CNTNAP2: variants seen among roughly 807,000 people sequenced by gnomAD.
CNTNAP2 encodes contactin-associated protein-like 2.
CNTNAP2 carries 98 observed loss-of-function variants against 155.2 expected under a neutral mutation model. The ratio of observed to expected loss-of-function variants is 0.63; its 90% CI spans 0.54 to 0.75. The LOEUF (loss-of-function observed/expected upper bound fraction) is 0.75, where lower values mean the gene tolerates loss of function less well. Among genes scored for constraint, CNTNAP2 ranks in the 30% least tolerant of loss-of-function variants. CNTNAP2 has a pLI of 0.00. For missense variants in CNTNAP2, 1,727 were observed against 1,688.1 expected (o/e 1.02, Z -0.40); for synonymous variants, 651 against 631.2 (o/e 1.03, Z -0.47).
At chr7:147,698,097 G>A (rs921917767) in intron 13 of CNTNAP2, among the ~76,000 whole-genome samples, 5 of 152,006 alleles carry the variant, frequency 3.3e-5, no homozygotes, top group South Asian at 2.1e-4. Flanking sequence ...GTAATTTTCC[G>A]TGTCCACCTG....
At chr7:147,658,864 G>T (rs762723872) in intron 13 of CNTNAP2, among the ~76,000 whole-genome samples, 4 of 152,148 alleles carry the variant, frequency 2.6e-5, no homozygotes, top group Non-Finnish European at 4.4e-5. Context: ...GTGGGGTCTT[G>T]CTGGCCTGGG....
At chr7:148,337,193 T>C (rs1409569498) in intron 21 of CNTNAP2, among the ~76,000 whole-genome samples, 1 of 151,992 alleles carries the variant, frequency 6.6e-6, no homozygotes, top group Admixed American at 6.5e-5. Context: ...CCACTAAAGC[T>C]GAGGAGGCCC....
intron 1 of CNTNAP2, among the ~76,000 whole-genome samples, chr7:146,399,421 T>C (rs374226524): frequency 2.0e-5 from 3 of 152,332 alleles, no homozygotes; most frequent in African/African-American, 7.2e-5. Context: ...GAGATCATGC[T>C]GTATTTGTCT....
chr7:146,147,228 G>A (rs1037579787), intron 1 of CNTNAP2, among the ~76,000 whole-genome samples: 1 of 152,060 alleles, frequency 6.6e-6, no homozygotes, highest in South Asian at 2.1e-4. Context: ...TGTCTCTAGG[G>A]ATTGAATTAT....
intron 9 of CNTNAP2, among the ~76,000 whole-genome samples, chr7:147,304,455 G>C (rs1584859063): frequency 6.6e-6 from 1 of 152,160 alleles, no homozygotes; most frequent in Non-Finnish European, 1.5e-5. Flanking sequence ...TGAGACAGCA[G>C]TATGATTTTT....
chr7:147,070,559 T>C (rs1481522436), intron 4 of CNTNAP2, among the ~76,000 whole-genome samples: 1 of 152,162 alleles, frequency 6.6e-6, no homozygotes, highest in African/African-American at 2.4e-5. Context: ...GATCCAGAGA[T>C]TACCCAATGC....
intron 1 of CNTNAP2, among the ~76,000 whole-genome samples, chr7:146,312,970 T>G (rs1018902043): frequency 6.6e-6 from 1 of 152,198 alleles, no homozygotes; most frequent in Admixed American, 6.5e-5. Context: ...TCCTGGATAC[T>G]TATATTGCTT....
intron 3 of CNTNAP2, among the ~76,000 whole-genome samples, chr7:146,847,801 G>A (rs868760807): frequency 1.3e-5 from 2 of 151,942 alleles, no homozygotes; most frequent in Non-Finnish European, 2.9e-5. Context: ...TTATCACATC[G>A]AGTCCTATGC....
At chr7:146,536,124 T>G (rs976501534) in intron 1 of CNTNAP2, among the ~76,000 whole-genome samples, 1 of 152,104 alleles carries the variant, frequency 6.6e-6, no homozygotes, top group Non-Finnish European at 1.5e-5. Context: ...TAATCCAATT[T>G]AAAGTTTTGC....
chr7:147,333,585 G>A (rs900021534), intron 9 of CNTNAP2, among the ~76,000 whole-genome samples: 16 of 152,010 alleles, frequency 1.1e-4, no homozygotes, highest in Non-Finnish European at 1.5e-4. Flanking sequence ...TATCATACTT[G>A]TTCACTTTGG....
intron 12 of CNTNAP2, among the ~76,000 whole-genome samples, chr7:147,613,239 G>C (rs1233810365): frequency 6.6e-6 from 1 of 152,118 alleles, no homozygotes; most frequent in Non-Finnish European, 1.5e-5. Context: ...CCTGGTTACT[G>C]TGAAGATGTG....
rs1035342270 is a variant in CNTNAP2, at chr7:146,468,342, T to C, written c.98-305929T>C. Among the ~76,000 whole-genome samples the C allele has an allele frequency of 3.3e-5, 5 of 152,100 alleles. No individual in the cohort carries two copies. The South Asian group carries it at 1.0e-3, about 32-fold the overall frequency. On this transcript the variant is annotated intron_variant, in intron 1 of 23. Transcript: ENST00000361727. ...CCTGTTAAGTACTATGCTTAGTACCTGGGTGACTGGATAATTCATACCCCA... is the reference window on the plus strand; with the variant it reads ...CCTGTTAAGTACTATGCTTAGTACCCGGGTGACTGGATAATTCATACCCCA...
chr7:147,634,280 G>C (rs1795140991), intron 12 of CNTNAP2, among the ~76,000 whole-genome samples: 2 of 152,148 alleles, frequency 1.3e-5, no homozygotes, highest in Non-Finnish European at 2.9e-5. Context: ...GTCATAAAAA[G>C]AATGAAATAA....
chr7:146,875,287 G>T (rs555368405), intron 3 of CNTNAP2, among the ~76,000 whole-genome samples: 1 of 152,200 alleles, frequency 6.6e-6, no homozygotes, highest in African/African-American at 2.4e-5. Context: ...CCTATATGGA[G>T]GGCCTCTGGA....
At chr7:146,305,213 G>A (rs962104329) in intron 1 of CNTNAP2, among the ~76,000 whole-genome samples, 12 of 152,008 alleles carry the variant, frequency 7.9e-5, no homozygotes, top group Non-Finnish European at 1.6e-4. Flanking sequence ...CGATGGGTTC[G>A]TACATCCTTC....
chr7:146,547,357 T>A (rs1584975327), intron 1 of CNTNAP2, among the ~76,000 whole-genome samples: 1 of 152,102 alleles, frequency 6.6e-6, no homozygotes, highest in East Asian at 1.9e-4. Flanking sequence ...TTTATTGTGG[T>A]AAGAACCCTT....
intron 9 of CNTNAP2, among the ~76,000 whole-genome samples, chr7:147,387,262 C>T (rs979370036): frequency 2.6e-5 from 4 of 152,174 alleles, no homozygotes; most frequent in Admixed American, 2.6e-4. Context: ...TCTGATTCTC[C>T]AGTCTCTAAC....
At chr7:146,459,110 C>G (rs997298387) in intron 1 of CNTNAP2, among the ~76,000 whole-genome samples, 1 of 152,102 alleles carries the variant, frequency 6.6e-6, no homozygotes, top group Non-Finnish European at 1.5e-5. Context: ...CCTCTTAATT[C>G]CTACCATGTA....
chr7:146,411,079 T>G (rs1029267526), intron 1 of CNTNAP2, among the ~76,000 whole-genome samples: 5 of 152,124 alleles, frequency 3.3e-5, no homozygotes, highest in African/African-American at 1.2e-4. Flanking sequence ...GGAAATAAGT[T>G]CAAGACATTT....
Sources: gnomAD v4.1 joint callset for allele counts (sites outside exome capture counted in the v4.1 genomes callset) on GRCh38, gnomAD v4.1.1 for gene constraint, MANE v1.5 for transcripts, NCBI Gene and HGNC (gene_info 2026-07-23, HGNC 2026-07-21) for gene names.